PYCR1: variants seen among roughly 807,000 people sequenced by gnomAD.
PYCR1 encodes pyrroline-5-carboxylate reductase 1, mitochondrial.
In PYCR1, 19 loss-of-function variants were observed where a neutral mutation model predicts 22.9. That is an observed-to-expected ratio of 0.83 (90% CI 0.58 to 1.22). The LOEUF (loss-of-function observed/expected upper bound fraction) is 1.22, where lower values mean the gene tolerates loss of function less well. Ranked by LOEUF, PYCR1 falls within the 50% of genes most tolerant of loss-of-function variation. The pLI, the probability that PYCR1 is intolerant of heterozygous loss-of-function variation, is 0.00. For missense variants in PYCR1, 429 were observed against 431.3 expected (o/e 0.99, Z 0.05); for synonymous variants, 175 against 180.5 (o/e 0.97, Z 0.24).
Position 81,935,526 on chromosome 17 carries a change from C to T in PYCR1, c.139-10G>A. ...ACTTCACCCCCATCTTCTGCAGGGG[C>T]AACAGGTGGGCTCAGCCTGGTCCCG... On this transcript the variant is annotated splice_polypyrimidine_tract_variant and intron_variant, in intron 2 of 6. Coordinates refer to ENST00000329875, the MANE Select transcript of PYCR1 (RefSeq NM_006907.4). 1 of 1,584,742 alleles carries T rather than the reference C, an allele frequency of 6.3e-7. No individual in the cohort carries two copies. The highest frequency in any genetic ancestry group is 1.1e-5 in the South Asian group (1 of 89,390).
At chr17:81,936,230 A>G (rs1194083155) in intron 1 of PYCR1, 37 bp from the exon 2 acceptor site, 14 of 1,375,380 alleles carry the variant, frequency 1.0e-5, no homozygotes, top group Non-Finnish European at 1.4e-5. Context: ...GTTCTTTATT[A>G]TTTTTTTTTT....
intron 2 of PYCR1, 111 bp from the exon 3 acceptor site, chr17:81,935,627 C>A: frequency 3.8e-6 from 3 of 792,890 alleles, no homozygotes; most frequent in Non-Finnish European, 6.1e-6. Context: ...TGGGGGTGGG[C>A]AGGGCTGGGG....
At chr17:81,935,723 A>T (rs2041169083) in intron 2 of PYCR1, among the ~76,000 whole-genome samples, 2 of 152,122 alleles carry the variant, frequency 1.3e-5, no homozygotes, top group African/African-American at 2.4e-5. Flanking sequence ...CCTGCTGCAG[A>T]CAGAAAAGGA....
chr17:81,935,744 A>G (rs905494836), intron 2 of PYCR1, among the ~76,000 whole-genome samples: 5 of 152,164 alleles, frequency 3.3e-5, no homozygotes, highest in African/African-American at 1.2e-4. Flanking sequence ...CCCTCCATCC[A>G]TGCCACCAAT....
rs985560706 is a variant in PYCR1, at chr17:81,936,320, G to A, written c.68-127C>T. 12 of 883,492 alleles carry A rather than the reference G, an allele frequency of 1.4e-5. No individual in the cohort carries two copies. The African/African-American group carries it at 1.7e-4, about 12-fold the overall frequency. The allele number at this position is 883,492 out of a possible 1,614,324, so 54.7% of individuals were successfully genotyped here. A position where few individuals can be genotyped will look rare whatever the true frequency, so the allele number is the denominator to read the frequency against. On this transcript the variant is annotated intron_variant, in intron 1 of 6. Transcript: ENST00000329875. ...GGCTCACTGCAAGCTCCACCTCCCG[G>A]GTTCACGCCATGCTCCTGCCTCAGC... is the stretch of plus-strand genomic sequence containing the variant.
chr17:81,932,984 A>G lies in PYCR1; in HGVS notation c.*230T>C. 6.2e-7 allele frequency: 1 copy of G among 1,605,690 alleles called. No individual in the cohort carries two copies. Among genetic ancestry groups the G allele is most frequent in the Non-Finnish European group, 8.5e-7 (1 of 1,176,980 alleles). On this transcript the variant is annotated 3_prime_UTR_variant, in exon 7 of 7. Coordinates refer to ENST00000329875, the MANE Select transcript of PYCR1 (RefSeq NM_006907.4). Reference sequence around the variant, plus strand: ...TGGTCCTGACATGGTTTGGGAGCAGAGAAGAAAGGAGGTTGAGGTTGGGGA... The same window carrying G: ...TGGTCCTGACATGGTTTGGGAGCAGGGAAGAAAGGAGGTTGAGGTTGGGGA...
chr17:81,933,119 G>C lies in PYCR1; in HGVS notation c.*95C>G, dbSNP rs918480795. ...CCCTGGCTGGCCCCTGCGCTGATCAGAGCCACAGAAAGTGGGCCACTTTGG... is the reference window on the plus strand; with the variant it reads ...CCCTGGCTGGCCCCTGCGCTGATCACAGCCACAGAAAGTGGGCCACTTTGG... On this transcript the variant is annotated 3_prime_UTR_variant, in exon 7 of 7. Coordinates refer to ENST00000329875, the MANE Select transcript of PYCR1 (RefSeq NM_006907.4). 3.1e-6 allele frequency: 5 copies of C among 1,603,850 alleles called. No homozygotes were observed. The African/African-American group carries it at 5.3e-5, about 17-fold the overall frequency.
rs1414991960 is a variant in PYCR1, at chr17:81,934,977, T to C, written c.489A>G (p.Glu163=). The change falls in exon 4 of 7, where the codon GAA becomes GAG. Residue 163 remains glutamate, a synonymous_variant. Coordinates refer to ENST00000329875, the MANE Select transcript of PYCR1 (RefSeq NM_006907.4). The part of the protein sequence containing the change: ...LSSVGFCTEV[E]EDLIDAVTGL... The stretch of plus-strand genomic sequence containing the variant: ...CCGTGACGGCATCAATCAGGTCCTC[T>C]TCCACCTCCGTGCAGAAGCCCACGC... 1 of 1,609,696 alleles carries C rather than the reference T, an allele frequency of 6.2e-7. No homozygotes were observed. Among genetic ancestry groups the C allele is most frequent in the East Asian group, 2.2e-5 (1 of 44,882 alleles).
At position 81,932,754 on chromosome 17, in the gene PYCR1, C is replaced by T; in HGVS notation, c.*460G>A. The T allele has an allele frequency of 1.5e-6, 2 of 1,359,622 alleles. No individual in the cohort carries two copies. Among genetic ancestry groups the T allele is most frequent in the Non-Finnish European group, 1.0e-6 (1 of 990,464 alleles). The allele number at this position is 1,359,622 out of a possible 1,614,324, so 84.2% of individuals were successfully genotyped here. On this transcript the variant is annotated 3_prime_UTR_variant, in exon 7 of 7. Coordinates refer to ENST00000329875, the MANE Select transcript of PYCR1 (RefSeq NM_006907.4). ...TCACGCTGGACTTGGGATGCCTGGA[C>T]CCTCTGGCCCTTCTCACACGGGAAG...
rs1240371030 is a variant in PYCR1, at chr17:81,937,291, C to A, written c.-477G>T. On this transcript the variant is annotated 5_prime_UTR_variant, in exon 1 of 7. Transcript: ENST00000329875. ...CAGCGCTGCGGCCGCCACGCGGCAC[C>A]CGCACCCAGGCCCCGCCCCCGTCGC... 1.9e-5 allele frequency: 21 copies of A among 1,114,632 alleles called. No homozygotes were observed. Among genetic ancestry groups the A allele is most frequent in the Non-Finnish European group, 2.4e-5 (21 of 878,006 alleles). 69.0% of individuals were successfully genotyped at this position (1,114,632 alleles called of 1,614,324 possible).
In PYCR1 at chr17:81,936,118, C is replaced by G; in HGVS notation, c.138+5G>C. 1 of 1,613,802 alleles carries G rather than the reference C, an allele frequency of 6.2e-7. No homozygotes were observed. The highest frequency in any genetic ancestry group is 8.5e-7 in the Non-Finnish European group (1 of 1,179,824). On this transcript the variant is annotated splice_donor_5th_base_variant and intron_variant, in intron 2 of 6. Coordinates refer to ENST00000329875, the MANE Select transcript of PYCR1 (RefSeq NM_006907.4). ...GTCTCCTTTCTCCCTTTCATCTGCA[C>G]CTACCCTGAGAGCAGAAACTGTGGC...
chr17:81,935,289 G>A lies in PYCR1; in HGVS notation c.318+48C>T, dbSNP rs371531114. On this transcript the variant is annotated intron_variant, in intron 3 of 6. Transcript: ENST00000329875. ...ATGAAAACTGAAGTACTGAGGGCCC[G>A]GGCTCTAGACAGCCCCTCTCCACAC... 9.1e-5 allele frequency: 147 copies of A among 1,606,820 alleles called. No individual in the cohort carries two copies. In the African/African-American group the frequency reaches 9.5e-4, roughly 10 times the overall value.
intron 6 of PYCR1, 141 bp downstream of exon 6, chr17:81,934,185 C>T (rs778261513): frequency 1.1e-5 from 14 of 1,318,078 alleles, no homozygotes; most frequent in South Asian, 7.6e-5. Flanking sequence ...CAGGGAACCT[C>T]GGGGCCCCCT....
chr17:81,935,595 A>C, intron 2 of PYCR1, 79 bp from the exon 3 acceptor site: 1 of 679,262 alleles, frequency 1.5e-6, no homozygotes. Flanking sequence ...CACAGGTAGA[A>C]TGGCACAGAG....
chr17:81,937,042 C>A lies in PYCR1; in HGVS notation c.-228G>T. 6.9e-7 allele frequency: 1 copy of A among 1,450,800 alleles called. No homozygotes were observed. The highest frequency in any genetic ancestry group is 9.1e-7 in the Non-Finnish European group (1 of 1,103,700). The allele number at this position is 1,450,800 out of a possible 1,614,324, so 89.9% of individuals were successfully genotyped here. On this transcript the variant is annotated 5_prime_UTR_variant, in exon 1 of 7. The change creates a new upstream start codon in the 5' untranslated region. Coordinates refer to ENST00000329875, the MANE Select transcript of PYCR1 (RefSeq NM_006907.4). ...AGAGCGGCGGTGCCTGGCCTGCTGCCTAGGGTCCCGCACCCACTGGAGGGG... is the reference window on the plus strand; with the variant it reads ...AGAGCGGCGGTGCCTGGCCTGCTGCATAGGGTCCCGCACCCACTGGAGGGG...
At chr17:81,934,190 C>T (rs1252781097) in intron 6 of PYCR1, 136 bp downstream of exon 6, 1 of 1,339,062 alleles carries the variant, frequency 7.5e-7, no homozygotes, top group Non-Finnish European at 1.0e-6. Flanking sequence ...AACCTCGGGG[C>T]CCCCTGTGTC....
At position 81,932,865 on chromosome 17, in the gene PYCR1, C is replaced by T; in HGVS notation, c.*349G>A. The T allele has an allele frequency of 6.2e-7, 1 of 1,604,006 alleles. No homozygotes were observed. Among genetic ancestry groups the T allele is most frequent in the Non-Finnish European group, 8.5e-7 (1 of 1,176,030 alleles). On this transcript the variant is annotated 3_prime_UTR_variant, in exon 7 of 7. Transcript: ENST00000329875. ...TCTGCTGAGCCTTCACAGAGGGGGT[C>T]CTTGACCTTTGCTCTCAGGAAGGAG...
chr17:81,937,101 G>A lies in PYCR1; in HGVS notation c.-287C>T. 2 of 1,431,338 alleles carry A rather than the reference G, an allele frequency of 1.4e-6. No individual in the cohort carries two copies. The highest frequency in any genetic ancestry group is 1.8e-6 in the Non-Finnish European group (2 of 1,095,966). 88.7% of individuals were successfully genotyped at this position (1,431,338 alleles called of 1,614,324 possible). On this transcript the variant is annotated 5_prime_UTR_variant, in exon 1 of 7. Transcript: ENST00000329875. ...CCGCAGAAGAAATGACTGGGAAGGG[G>A]GAAAAGTACGGGGAGAGGGAGGGCC...
chr17:81,934,236 G>A (rs375657720), intron 6 of PYCR1, 90 bp downstream of exon 6: 2 of 1,551,044 alleles, frequency 1.3e-6, no homozygotes, highest in East Asian at 2.3e-5. Context: ...ATACGTATCT[G>A]CTGAGTGCGT....
Sources: gnomAD v4.1 joint callset for allele counts (sites outside exome capture counted in the v4.1 genomes callset) on GRCh38, gnomAD v4.1.1 for gene constraint, MANE v1.5 for transcripts, NCBI Gene and HGNC (gene_info 2026-07-23, HGNC 2026-07-21) for gene names.